The following TMEM97 variants were observed in gnomAD, a reference collection of about 807,000 sequenced individuals.
The protein encoded by TMEM97 is sigma intracellular receptor 2.
In TMEM97, 13 loss-of-function variants were observed where a neutral mutation model predicts 18.3. The observed-to-expected ratio is 0.71, with a 90% CI of 0.46 to 1.13. The LOEUF is 1.13. Among genes scored for constraint, TMEM97 ranks in the 50% most tolerant of loss-of-function variants. TMEM97 has a pLI of 0.00. For synonymous variants in TMEM97, 76 were observed against 85.3 expected, an observed-to-expected ratio of 0.89 and a Z score of 0.60; for missense variants, 205 against 210.5, an observed-to-expected ratio of 0.97 and a Z score of 0.16.
Position 28,328,594 on chromosome 17 carries a change from T to G in TMEM97, c.*1801T>G, listed in dbSNP as rs1457093564. On this transcript the variant is annotated 3_prime_UTR_variant, in exon 3 of 3. Coordinates refer to ENST00000226230, the MANE Select transcript of TMEM97 (RefSeq NM_014573.3). ...CGCTGGAATGCTACAGAGGTTTTTT[T>G]GGTTTTGAGAGGCTTTTTTTTGTTT... The G allele has an allele frequency of 8.9e-7, 1 of 1,120,408 alleles. No homozygotes were observed. The highest frequency in any genetic ancestry group is 1.3e-6 in the Non-Finnish European group (1 of 761,222). The allele number at this position is 1,120,408 out of a possible 1,614,324, so 69.4% of individuals were successfully genotyped here.
At chr17:28,319,389 GGCCCGCTGA>G in intron 1 of TMEM97, 24 bp downstream of exon 1, 1 of 1,420,316 alleles carries the variant, frequency 7.0e-7, no homozygotes, top group Non-Finnish European at 9.2e-7. Flanking sequence ...CTCTTATCCC[GGCCCGCTGA>G]GGCTCTCCCG....
At chr17:28,325,685 A>T (rs1555575389) in intron 2 of TMEM97, 38 bp downstream of exon 2, 1 of 1,612,850 alleles carries the variant, frequency 6.2e-7, no homozygotes, top group East Asian at 2.2e-5. Flanking sequence ...TTTACTCAGA[A>T]ATCAGGTCCC....
chr17:28,325,738 C>T, intron 2 of TMEM97, 91 bp downstream of exon 2: 1 of 1,544,042 alleles, frequency 6.5e-7, no homozygotes, highest in Non-Finnish European at 8.8e-7. Context: ...AGGGGATGGT[C>T]CCCATAGTTT....
rs931513921 is a variant in TMEM97 at position 28,319,517 on chromosome 17, T to G, written c.126+152T>G. On this transcript the variant is annotated intron_variant, in intron 1 of 2. Transcript: ENST00000226230. Reference sequence around the variant, plus strand: ...CCCCCGCTCCTAACCCAACTTTAGTTCGGTGTTTTCCTCGGGCTTTGTCTC... The same window carrying G: ...CCCCCGCTCCTAACCCAACTTTAGTGCGGTGTTTTCCTCGGGCTTTGTCTC... The G allele has an allele frequency of 8.4e-6, 8 of 955,728 alleles. No individual in the cohort carries two copies. In the African/African-American group the frequency reaches 1.4e-4, roughly 17 times the overall value. The allele number at this position is 955,728 out of a possible 1,614,324, so 59.2% of individuals were successfully genotyped here. A position where few individuals can be genotyped will look rare whatever the true frequency, so the allele number is the denominator to read the frequency against.
At position 28,327,661 on chromosome 17, in the gene TMEM97, C is replaced by G. The variant is rs1223288905; in HGVS notation, c.*868C>G. 6 of 152,190 alleles carry G rather than the reference C, an allele frequency of 3.9e-5. No homozygotes were observed. The highest frequency in any genetic ancestry group is 1.2e-4 in the African/African-American group (5 of 41,434). 9.4% of individuals were successfully genotyped at this position (152,190 alleles called of 1,614,324 possible). ...ACCCAAGGAAAAAAGAGAAAACATA[C>G]TATGCAAAGGAAGTTTAAACTTAAG... On this transcript the variant is annotated 3_prime_UTR_variant, in exon 3 of 3. Coordinates refer to ENST00000226230, the MANE Select transcript of TMEM97 (RefSeq NM_014573.3).
At chr17:28,321,398 TATC>T (rs1181708422) in intron 1 of TMEM97, among the ~76,000 whole-genome samples, 2 of 152,244 alleles carry the variant, frequency 1.3e-5, no homozygotes, top group African/African-American at 4.8e-5. Flanking sequence ...CTCAGCATCA[TATC>T]ATAAAGATCC....
At chr17:28,320,551 A>G (rs1906103982) in intron 1 of TMEM97, among the ~76,000 whole-genome samples, 1 of 152,212 alleles carries the variant, frequency 6.6e-6, no homozygotes, top group Non-Finnish European at 1.5e-5. Context: ...TCAGGGCTCT[A>G]TATCCTCCTC....
rs1388453014 is a variant in TMEM97 at position 28,326,762 on chromosome 17, A to C, written c.500A>C (p.Tyr167Ser). ...ATTTTCATGTTGCGGAGCCCCTACT[A>C]CAAGTATGAAGAGAAAAGAAAAAAA... ...LLIFMLRSPY[Y>S]KYEEKRKKK Residue 167 changes from tyrosine (Y) to serine (S), a missense_variant, in exon 3 of 3, where the codon TAC becomes TCC. Tyr to Ser is a moderately radical substitution (Grantham distance 144, BLOSUM62 -2). Transcript: ENST00000226230. 1.4e-5 allele frequency: 23 copies of C among 1,613,586 alleles called. No homozygotes were observed. Among genetic ancestry groups the C allele is most frequent in the Non-Finnish European group, 1.9e-5 (22 of 1,179,992 alleles).
chr17:28,328,647 TCAG>T lies in TMEM97; in HGVS notation c.*1855_*1857del. The T allele has an allele frequency of 1.9e-6, 3 of 1,590,246 alleles. No individual in the cohort carries two copies. The highest frequency in any genetic ancestry group is 2.6e-6 in the Non-Finnish European group (3 of 1,167,230). ...CCTTCCTACTATAAAAGCGAAATTT[TCAG>T]TTCATTTCTGAAAAATAAATTGGTC... On this transcript the variant is annotated 3_prime_UTR_variant, in exon 3 of 3. Coordinates refer to ENST00000226230, the MANE Select transcript of TMEM97 (RefSeq NM_014573.3).
chr17:28,322,741 T>G (rs1906193774), intron 1 of TMEM97, among the ~76,000 whole-genome samples: 1 of 152,160 alleles, frequency 6.6e-6, no homozygotes, highest in African/African-American at 2.4e-5. Context: ...AGTACAAGAT[T>G]GGTGAGTAGC....
At chr17:28,321,410 C>T (rs1555574886) in intron 1 of TMEM97, among the ~76,000 whole-genome samples, 2 of 152,120 alleles carry the variant, frequency 1.3e-5, no homozygotes, top group Admixed American at 6.6e-5. Context: ...TCATAAAGAT[C>T]CCATTTAAAT....
chr17:28,326,309 C>T lies in TMEM97; in HGVS notation c.272-225C>T, dbSNP rs193166860. Among the ~76,000 whole-genome samples, 29 of 152,218 alleles carry T rather than the reference C, an allele frequency of 1.9e-4. 1 individual carries two copies. The East Asian group carries it at 5.2e-3, about 27-fold the overall frequency. On this transcript the variant is annotated intron_variant, in intron 2 of 2. Transcript: ENST00000226230. ...CAGTTTTATTGCCCTAGAGCTTTTC[C>T]GAGTTATGTTCTGACCCCCATTCTT... is the stretch of plus-strand genomic sequence containing the variant.
chr17:28,323,678 C>T (rs1555575141), intron 1 of TMEM97, among the ~76,000 whole-genome samples: 1 of 152,166 alleles, frequency 6.6e-6, no homozygotes, highest in Non-Finnish European at 1.5e-5. Context: ...GGATTATAGG[C>T]ATGAGCCACC....
chr17:28,328,596 G>A lies in TMEM97; in HGVS notation c.*1803G>A, dbSNP rs1555575904. 1 of 1,241,910 alleles carries A rather than the reference G, an allele frequency of 8.1e-7. No homozygotes were observed. The highest frequency in any genetic ancestry group is 2.4e-5 in the East Asian group (1 of 42,062). 76.9% of individuals were successfully genotyped at this position (1,241,910 alleles called of 1,614,324 possible). ...CTGGAATGCTACAGAGGTTTTTTTG[G>A]TTTTGAGAGGCTTTTTTTTGTTTTG... On this transcript the variant is annotated 3_prime_UTR_variant, in exon 3 of 3. Coordinates refer to ENST00000226230, the MANE Select transcript of TMEM97 (RefSeq NM_014573.3).
chr17:28,326,401 G>A (rs1906336946), intron 2 of TMEM97, 133 bp from the exon 3 acceptor site: 1 of 1,100,884 alleles, frequency 9.1e-7, no homozygotes, highest in African/African-American at 1.6e-5. Context: ...GGCACATCCA[G>A]GTTTCCAGTT....
At position 28,327,133 on chromosome 17, in the gene TMEM97, TTTTG is replaced by T. The variant is rs1203588668; in HGVS notation, c.*344_*347del. On this transcript the variant is annotated 3_prime_UTR_variant, in exon 3 of 3. Transcript: ENST00000226230. ...TGTACCAACACGTATGGCTAATTTG[TTTTG>T]TTTTTTTTGTGTGTGTGGAGACAGG... 8.9e-6 allele frequency: 2 copies of T among 225,140 alleles called. No homozygotes were observed. Among genetic ancestry groups the T allele is most frequent in the African/African-American group, 4.5e-5 (2 of 44,064 alleles). The allele number at this position is 225,140 out of a possible 1,614,324, so 13.9% of individuals were successfully genotyped here. A position where few individuals can be genotyped will look rare whatever the true frequency, so the allele number is the denominator to read the frequency against.
chr17:28,319,365 G>C lies in TMEM97; in HGVS notation c.126G>C (p.Glu42Asp). 6.3e-7 allele frequency: 1 copy of C among 1,589,208 alleles called. No individual in the cohort carries two copies. Among genetic ancestry groups the C allele is most frequent in the South Asian group, 1.1e-5 (1 of 88,974 alleles). The change falls in exon 1 of 3, where the codon GAG becomes GAC. Residue 42 changes from glutamate (E) to aspartate (D), a missense_variant and splice_region_variant. Glu to Asp is a conservative substitution (Grantham distance 45). Transcript: ENST00000226230. ...AVLPRELYPVEFRNLLKWYAK... is the reference protein window; with the variant it reads ...AVLPRELYPVDFRNLLKWYAK... ...TGCCGCGCGAGCTCTACCCAGTCGA[G>C]GTGAGGGGCGCCCCTCTTATCCCGG...
In TMEM97 at chr17:28,327,137, GTTTTT is replaced by G. The variant is rs1243113148; in HGVS notation, c.*348_*352del. 9 of 219,184 alleles carry G rather than the reference GTTTTT, an allele frequency of 4.1e-5. No individual in the cohort carries two copies. The East Asian group carries it at 9.5e-4, about 23-fold the overall frequency. The allele number at this position is 219,184 out of a possible 1,614,324, so 13.6% of individuals were successfully genotyped here. On this transcript the variant is annotated 3_prime_UTR_variant, in exon 3 of 3. Transcript: ENST00000226230. The stretch of plus-strand genomic sequence containing the variant: ...CCAACACGTATGGCTAATTTGTTTT[GTTTTT>G]TTTGTGTGTGTGGAGACAGGGTTTT...
chr17:28,326,905 GC>G lies in TMEM97; in HGVS notation c.*113del. The G allele has an allele frequency of 7.9e-7, 1 of 1,268,154 alleles. No individual in the cohort carries two copies. Among genetic ancestry groups the G allele is most frequent in the Non-Finnish European group, 1.1e-6 (1 of 920,580 alleles). The allele number at this position is 1,268,154 out of a possible 1,614,324, so 78.6% of individuals were successfully genotyped here. A position where few individuals can be genotyped will look rare whatever the true frequency, so the allele number is the denominator to read the frequency against. ...GTCTTCAGCAGCATTTGAAACACTG[GC>G]AGCAATGCACAAGAGCAAGATGGTG... On this transcript the variant is annotated 3_prime_UTR_variant, in exon 3 of 3. Transcript: ENST00000226230.
Sources: allele counts gnomAD v4.1 joint callset (sites outside exome capture counted in the v4.1 genomes callset), GRCh38; gene constraint gnomAD v4.1.1; transcripts MANE v1.5; gene names NCBI Gene and HGNC (gene_info 2026-07-23, HGNC 2026-07-21).